SGMS1: variants seen among roughly 807,000 people sequenced by gnomAD.
SGMS1 encodes sphingomyelin synthase 1, also known as phosphatidylcholine:ceramide cholinephosphotransferase 1.
In SGMS1, 13 loss-of-function variants were observed where a neutral mutation model predicts 46.2. That is an observed-to-expected ratio of 0.28 (90% CI 0.18 to 0.45). The LOEUF (loss-of-function observed/expected upper bound fraction) is 0.45. Among genes scored for constraint, SGMS1 ranks in the 20% least tolerant of loss-of-function variants. The probability of loss-of-function intolerance (pLI) is 1.00; values close to 1 mark genes in which losing one functional copy is unlikely to be tolerated. For missense variants in SGMS1, 324 were observed against 519.9 expected (o/e 0.62, Z 3.66); for synonymous variants, 203 against 187.8 (o/e 1.08, Z -0.66).
At chr10:50,417,290 C>T (rs1849184508) in intron 6 of SGMS1, among the ~76,000 whole-genome samples, 1 of 152,058 alleles carries the variant, frequency 6.6e-6, no homozygotes. Flanking sequence ...CTTATTTCTA[C>T]ATAAATTTAA....
At chr10:50,529,074 T>C (rs980231959) in intron 2 of SGMS1, among the ~76,000 whole-genome samples, 2 of 152,196 alleles carry the variant, frequency 1.3e-5, no homozygotes, top group African/African-American at 4.8e-5. Flanking sequence ...GGAACATCAA[T>C]GGCATTAGAC....
chr10:50,329,342 G>A (rs1847579184), intron 7 of SGMS1, among the ~76,000 whole-genome samples: 1 of 152,156 alleles, frequency 6.6e-6, no homozygotes, highest in South Asian at 2.1e-4. Context: ...TTTACTATTT[G>A]ACTTAAAGTG....
chr10:50,539,631 T>C (rs898364727), intron 2 of SGMS1, among the ~76,000 whole-genome samples: 5 of 152,220 alleles, frequency 3.3e-5, no homozygotes. Context: ...TGTGGGGGCA[T>C]GAACCTGCAA....
chr10:50,369,552 A>AC (rs1441193220), intron 6 of SGMS1, among the ~76,000 whole-genome samples: 3 of 145,956 alleles, frequency 2.1e-5, no homozygotes, highest in African/African-American at 7.8e-5. Context: ...ACATATGCCA[A>AC]AAAAAAAAAG....
chr10:50,355,614 G>A (rs993995910), intron 6 of SGMS1, among the ~76,000 whole-genome samples: 8 of 152,130 alleles, frequency 5.3e-5, no homozygotes, highest in Non-Finnish European at 5.9e-5. Flanking sequence ...GCGTGATCTC[G>A]GCTCGCTACA....
At chr10:50,619,573 G>A (rs563160304) in intron 1 of SGMS1, among the ~76,000 whole-genome samples, 6 of 152,158 alleles carry the variant, frequency 3.9e-5, no homozygotes, top group East Asian at 1.9e-4. Context: ...GGAGAAAAAC[G>A]TAAAACAAGC....
chr10:50,535,971 A>G (rs1837997528), intron 2 of SGMS1, among the ~76,000 whole-genome samples: 1 of 152,134 alleles, frequency 6.6e-6, no homozygotes, highest in South Asian at 2.1e-4. Flanking sequence ...CTTCTTTACT[A>G]TATTGATATC....
At chr10:50,560,342 T>A (rs1384935279) in intron 2 of SGMS1, among the ~76,000 whole-genome samples, 1 of 137,914 alleles carries the variant, frequency 7.3e-6, no homozygotes, top group Non-Finnish European at 1.5e-5. Context: ...ATTAATATTA[T>A]TAATAATATA....
intron 5 of SGMS1, among the ~76,000 whole-genome samples, chr10:50,443,463 A>C (rs1849570858): frequency 2.6e-5 from 4 of 152,154 alleles, no homozygotes; most frequent in Admixed American, 2.6e-4. Flanking sequence ...ATCTCATTCG[A>C]AACAGGTGTC....
At chr10:50,320,742 T>A (rs1847427862) in intron 8 of SGMS1, among the ~76,000 whole-genome samples, 2 of 152,192 alleles carry the variant, frequency 1.3e-5, no homozygotes, top group South Asian at 4.1e-4. Context: ...ACCCGTTGTT[T>A]CCTCCACCTG....
chr10:50,350,532 C>T (rs1279113586), intron 6 of SGMS1, among the ~76,000 whole-genome samples: 1 of 152,168 alleles, frequency 6.6e-6, no homozygotes, highest in African/African-American at 2.4e-5. Context: ...CCATCACAGG[C>T]CCAGGAGGAA....
At chr10:50,475,781 A>G (rs1050356733) in intron 3 of SGMS1, among the ~76,000 whole-genome samples, 1 of 152,082 alleles carries the variant, frequency 6.6e-6, no homozygotes, top group Non-Finnish European at 1.5e-5. Flanking sequence ...CCTGTCAACC[A>G]TGTAAAGATG....
intron 6 of SGMS1, among the ~76,000 whole-genome samples, chr10:50,430,446 G>A (rs1255312523): frequency 4.5e-5 from 6 of 133,202 alleles, no homozygotes; most frequent in East Asian, 2.2e-4. Context: ...ATCTAATCTC[G>A]GCATAGAAAA....
intron 7 of SGMS1, among the ~76,000 whole-genome samples, chr10:50,334,085 T>G (rs764940561): frequency 1.2e-4 from 18 of 152,130 alleles, no homozygotes; most frequent in Admixed American, 4.6e-4. Context: ...TTTTTGCTAA[T>G]GAAATTAAAA....
intron 3 of SGMS1, among the ~76,000 whole-genome samples, chr10:50,516,295 A>G (rs1837805676): frequency 6.6e-6 from 1 of 152,190 alleles, no homozygotes; most frequent in Non-Finnish European, 1.5e-5. Context: ...TATTAAGGGG[A>G]TGCAGAATGT....
At chr10:50,508,824 C>T (rs983274346) in intron 3 of SGMS1, among the ~76,000 whole-genome samples, 2 of 152,220 alleles carry the variant, frequency 1.3e-5, no homozygotes, top group Non-Finnish European at 2.9e-5. Context: ...CACATTAAGG[C>T]TGAATTCAAA....
At chr10:50,377,612 T>C (rs1379667813) in intron 6 of SGMS1, among the ~76,000 whole-genome samples, 1 of 152,156 alleles carries the variant, frequency 6.6e-6, no homozygotes, top group African/African-American at 2.4e-5. Flanking sequence ...TGAACTGCAA[T>C]GGGTTGAGAT....
intron 9 of SGMS1, among the ~76,000 whole-genome samples, chr10:50,309,451 G>A (rs763978672): frequency 1.4e-4 from 22 of 152,110 alleles, no homozygotes; most frequent in African/African-American, 2.4e-4. Context: ...TAGTACCAAC[G>A]CCTCTGCCTC....
At chr10:50,614,281 C>T (rs1049650923) in intron 1 of SGMS1, among the ~76,000 whole-genome samples, 21 of 152,170 alleles carry the variant, frequency 1.4e-4, no homozygotes, top group Admixed American at 1.3e-4. Context: ...CATGCCAGAA[C>T]CACTGGTGAG....
Sources: allele counts gnomAD v4.1 joint callset (sites outside exome capture counted in the v4.1 genomes callset), GRCh38; gene constraint gnomAD v4.1.1; transcripts MANE v1.5; gene names NCBI Gene and HGNC (gene_info 2026-07-23, HGNC 2026-07-21).